The following CDH12 variants were observed in gnomAD, a reference collection of about 807,000 sequenced individuals.
The protein encoded by CDH12 is cadherin 12, also known as cadherin-12.
A neutral mutation model predicts 74.1 loss-of-function variants in CDH12; 41 were observed. The observed-to-expected ratio is 0.55, with a 90% CI of 0.43 to 0.72. The LOEUF (loss-of-function observed/expected upper bound fraction) is 0.72, where lower values mean the gene tolerates loss of function less well. CDH12 is among the 30% of genes least tolerant of loss of function. The pLI, the probability that CDH12 is intolerant of heterozygous loss-of-function variation, is 0.00. For missense variants in CDH12, 945 were observed against 977.2 expected, an observed-to-expected ratio of 0.97 and a Z score of 0.44; for synonymous variants, 399 against 355.0, an observed-to-expected ratio of 1.12 and a Z score of -1.39.
intron 5 of CDH12, among the ~76,000 whole-genome samples, chr5:21,991,054 A>G (rs898410743): frequency 1.3e-5 from 2 of 151,750 alleles, no homozygotes; most frequent in African/African-American, 4.8e-5. Context: ...TGTGACATCA[A>G]TTTGAGCAAA....
At chr5:21,759,054 C>G (rs1254977340) in intron 13 of CDH12, among the ~76,000 whole-genome samples, 1 of 151,868 alleles carries the variant, frequency 6.6e-6, no homozygotes, top group Non-Finnish European at 1.5e-5. Flanking sequence ...TCATAGAAGC[C>G]CAAACCTCAG....
At position 22,519,702 on chromosome 5, in the gene CDH12, C is replaced by T. The variant is rs192502263; in HGVS notation, c.-522-14338G>A. The stretch of plus-strand genomic sequence containing the variant: ...TCAAATTATGGTAGTTGGGAACTTT[C>T]GTGTTAGAATGAAAGAGCGCTTCAA... On this transcript the variant is annotated intron_variant, in intron 1 of 14. Coordinates refer to ENST00000382254, the MANE Select transcript of CDH12 (RefSeq NM_004061.5). Among the ~76,000 whole-genome samples the T allele has an allele frequency of 1.4e-4, 21 of 152,106 alleles. No homozygotes were observed. The East Asian group carries it at 2.9e-3, about 21-fold the overall frequency.
chr5:22,325,313 G>A (rs1739039595), intron 3 of CDH12, among the ~76,000 whole-genome samples: 1 of 151,968 alleles, frequency 6.6e-6, no homozygotes, highest in South Asian at 2.1e-4. Context: ...AGAGCAAAAA[G>A]CCAGAAAATA....
chr5:22,462,176 T>G (rs944694692), intron 2 of CDH12, among the ~76,000 whole-genome samples: 12 of 152,072 alleles, frequency 7.9e-5, no homozygotes, highest in Non-Finnish European at 1.5e-4. Flanking sequence ...GCAATAAGTC[T>G]GACAAATAAT....
Position 22,078,691 on chromosome 5 carries a change from C to T in CDH12, c.-15G>A. On this transcript the variant is annotated 5_prime_UTR_variant, in exon 5 of 15. Transcript: ENST00000382254. Reference sequence around the variant, plus strand: ...CTTGTAAGCATTGGCAAAGGCTTTCCTACAGCAGAGTAATAAAAACTCCAA... The same window carrying T: ...CTTGTAAGCATTGGCAAAGGCTTTCTTACAGCAGAGTAATAAAAACTCCAA... The T allele has an allele frequency of 6.2e-7, 1 of 1,611,796 alleles. No homozygotes were observed. The highest frequency in any genetic ancestry group is 8.5e-7 in the Non-Finnish European group (1 of 1,178,636).
chr5:22,852,856 A>C (rs1288010470), intron 1 of CDH12, among the ~76,000 whole-genome samples: 1 of 152,198 alleles, frequency 6.6e-6, no homozygotes, highest in Non-Finnish European at 1.5e-5. Context: ...TGAGGACCAG[A>C]GACTTGTTTA....
chr5:22,280,716 T>C (rs1580476462), intron 3 of CDH12, among the ~76,000 whole-genome samples: 2 of 152,208 alleles, frequency 1.3e-5, no homozygotes, highest in African/African-American at 2.4e-5. Context: ...GGCTCTGAAA[T>C]TGAGGCAATA....
chr5:22,836,752 T>TGGGTAAC (rs1229249964), intron 1 of CDH12, among the ~76,000 whole-genome samples: 1 of 152,192 alleles, frequency 6.6e-6, no homozygotes, highest in East Asian at 1.9e-4. Context: ...TTACAGCGAA[T>TGGGTAAC]TCTGAAAACT....
At chr5:22,691,837 A>G (rs1742099799) in intron 1 of CDH12, among the ~76,000 whole-genome samples, 1 of 152,218 alleles carries the variant, frequency 6.6e-6, no homozygotes, top group Non-Finnish European at 1.5e-5. Context: ...ATTAAATATT[A>G]GTAAAAATGA....
At chr5:22,460,123 T>A (rs1745440737) in intron 2 of CDH12, among the ~76,000 whole-genome samples, 1 of 152,178 alleles carries the variant, frequency 6.6e-6, no homozygotes, top group South Asian at 2.1e-4. Flanking sequence ...TATAAGCAGC[T>A]AGAAATATTA....
intron 1 of CDH12, among the ~76,000 whole-genome samples, chr5:22,551,096 A>G (rs768228563): frequency 2.6e-4 from 40 of 152,152 alleles, no homozygotes; most frequent in Non-Finnish European, 3.8e-4. Context: ...AGAGCCTTTA[A>G]AAAGGTAATT....
chr5:22,296,300 T>C (rs1737621330), intron 3 of CDH12, among the ~76,000 whole-genome samples: 1 of 152,064 alleles, frequency 6.6e-6, no homozygotes. Context: ...GAACCTATGT[T>C]AGAGGAAATA....
chr5:22,010,398 C>T (rs1261276796), intron 5 of CDH12, among the ~76,000 whole-genome samples: 2 of 152,158 alleles, frequency 1.3e-5, no homozygotes, highest in African/African-American at 4.8e-5. Flanking sequence ...ATTTAACCAC[C>T]TATATTACAT....
intron 3 of CDH12, among the ~76,000 whole-genome samples, chr5:22,259,236 A>G (rs1418227524): frequency 6.6e-6 from 1 of 152,120 alleles, no homozygotes; most frequent in Admixed American, 6.6e-5. Context: ...TTTGATCCTC[A>G]ATGGTCTAAA....
At chr5:22,417,138 A>G (rs1033910940) in intron 2 of CDH12, among the ~76,000 whole-genome samples, 2 of 152,236 alleles carry the variant, frequency 1.3e-5, no homozygotes, top group African/African-American at 4.8e-5. Context: ...AACAATAATA[A>G]ACCTACTAAC....
chr5:22,039,015 C>A (rs147423107), intron 5 of CDH12, among the ~76,000 whole-genome samples: 10 of 152,106 alleles, frequency 6.6e-5, no homozygotes, highest in Admixed American at 6.5e-4. Flanking sequence ...TCCTCCTGTC[C>A]CCCTGCCACT....
intron 3 of CDH12, among the ~76,000 whole-genome samples, chr5:22,322,189 A>G (rs1313348778): frequency 2.6e-5 from 4 of 152,192 alleles, no homozygotes; most frequent in Non-Finnish European, 5.9e-5. Context: ...AAGGCCATTT[A>G]GGTTTCAGAA....
chr5:21,935,089 T>C (rs534931162), intron 6 of CDH12, among the ~76,000 whole-genome samples: 1 of 152,096 alleles, frequency 6.6e-6, no homozygotes, highest in Admixed American at 6.5e-5. Flanking sequence ...CCCGGCCCCT[T>C]TTCTCCTTTC....
At chr5:22,815,283 T>C (rs927491879) in intron 1 of CDH12, among the ~76,000 whole-genome samples, 1 of 152,212 alleles carries the variant, frequency 6.6e-6, no homozygotes, top group Non-Finnish European at 1.5e-5. Flanking sequence ...GATTATTCTT[T>C]CTTTTGATGC....
Sources: gnomAD v4.1 joint callset for allele counts (sites outside exome capture counted in the v4.1 genomes callset) on GRCh38, gnomAD v4.1.1 for gene constraint, MANE v1.5 for transcripts, NCBI Gene and HGNC (gene_info 2026-07-23, HGNC 2026-07-21) for gene names.